Variants in BASP1 observed in about 807,000 individuals in gnomAD.
BASP1 encodes brain abundant membrane attached signal protein 1.
In BASP1, 1 loss-of-function variant was observed where a neutral mutation model predicts 2.2. That is an observed-to-expected ratio of 0.46 (90% CI 0.16 to 2.17). The LOEUF is 2.17. Ranked by LOEUF, BASP1 falls within the 30% of genes most tolerant of loss-of-function variation. The pLI is 0.27. For missense variants in BASP1, 352 were observed against 327.2 expected, an observed-to-expected ratio of 1.08 and a Z score of -0.58; for synonymous variants, 187 against 154.2, an observed-to-expected ratio of 1.21 and a Z score of -1.58.
intron 1 of BASP1, among the ~76,000 whole-genome samples, chr5:17,224,919 T>C (rs1739464242): frequency 6.6e-6 from 1 of 152,260 alleles, no homozygotes; most frequent in Non-Finnish European, 1.5e-5. Flanking sequence ...CAATCTGTTT[T>C]GTTCCGCGTC....
At chr5:17,233,330 A>G (rs928618024) in intron 1 of BASP1, among the ~76,000 whole-genome samples, 6 of 152,194 alleles carry the variant, frequency 3.9e-5, no homozygotes, top group African/African-American at 1.4e-4. Context: ...CTCATTTTAA[A>G]TGAATTCAGC....
At chr5:17,274,538 A>C (rs959939919) in intron 1 of BASP1, among the ~76,000 whole-genome samples, 1 of 152,172 alleles carries the variant, frequency 6.6e-6, no homozygotes, top group Admixed American at 6.5e-5. Flanking sequence ...CCTGGGTCTA[A>C]GATGGCTGCC....
chr5:17,239,242 C>T (rs564299841), intron 1 of BASP1, among the ~76,000 whole-genome samples: 20 of 152,082 alleles, frequency 1.3e-4, no homozygotes, highest in African/African-American at 1.9e-4. Context: ...TACAGGTGCC[C>T]GCCACCATAT....
chr5:17,221,417 T>G (rs911734692), intron 1 of BASP1, among the ~76,000 whole-genome samples: 1 of 151,984 alleles, frequency 6.6e-6, no homozygotes, highest in African/African-American at 2.4e-5. Flanking sequence ...GAACTATTAT[T>G]TGTCAGAAGC....
At chr5:17,233,969 A>G (rs1739687333) in intron 1 of BASP1, among the ~76,000 whole-genome samples, 1 of 152,104 alleles carries the variant, frequency 6.6e-6, no homozygotes, top group African/African-American at 2.4e-5. Context: ...TCTCTACTAA[A>G]AATACAAAAA....
chr5:17,219,002 A>G, intron 1 of BASP1, among the ~76,000 whole-genome samples: 1 of 151,744 alleles, frequency 6.6e-6, no homozygotes, highest in East Asian at 1.9e-4. Flanking sequence ...ACAGGTTGAC[A>G]ACACCTCTGT....
chr5:17,250,805 T>C (rs990590078), intron 1 of BASP1, among the ~76,000 whole-genome samples: 2 of 152,060 alleles, frequency 1.3e-5, no homozygotes, highest in Non-Finnish European at 2.9e-5. Context: ...GGGGTTTCAC[T>C]GCGTTAGCCA....
At position 17,276,088 on chromosome 5, in the gene BASP1, A is replaced by ATGTT; in HGVS notation, c.*189_*192dup. 2 of 174,588 alleles carry ATGTT rather than the reference A, an allele frequency of 1.1e-5. No individual in the cohort carries two copies. The highest frequency in any genetic ancestry group is 1.9e-4 in the East Asian group (1 of 5,370). 10.8% of individuals were successfully genotyped at this position (174,588 alleles called of 1,614,324 possible). ...TGTATTGCCCAAGGAAAAATACAGG[A>ATGTT]TGTTGTCCCATCAAGGGAGGGAGGG... On this transcript the variant is annotated 3_prime_UTR_variant, in exon 2 of 2. Coordinates refer to ENST00000322611, the MANE Select transcript of BASP1 (RefSeq NM_006317.5).
intron 1 of BASP1, among the ~76,000 whole-genome samples, chr5:17,231,985 G>A (rs1253133551): frequency 1.3e-5 from 2 of 152,198 alleles, no homozygotes; most frequent in East Asian, 1.9e-4. Flanking sequence ...CACCTCATCA[G>A]TTGTGCTTAC....
At chr5:17,247,934 T>C (rs1740027705) in intron 1 of BASP1, among the ~76,000 whole-genome samples, 1 of 152,138 alleles carries the variant, frequency 6.6e-6, no homozygotes, top group Admixed American at 6.5e-5. Context: ...ACCAGAGAAA[T>C]TGTGATTCTG....
intron 1 of BASP1, among the ~76,000 whole-genome samples, chr5:17,252,325 A>G (rs1229713837): frequency 6.6e-6 from 1 of 152,242 alleles, no homozygotes; most frequent in South Asian, 2.1e-4. Context: ...AGACCATGTA[A>G]TCTGCTCAAG....
intron 1 of BASP1, among the ~76,000 whole-genome samples, chr5:17,267,747 A>C (rs1740442596): frequency 7.0e-6 from 1 of 143,724 alleles, no homozygotes; most frequent in African/African-American, 2.6e-5. Context: ...TTGAACTCTC[A>C]ACCTTGTGAT....
intron 1 of BASP1, among the ~76,000 whole-genome samples, chr5:17,263,253 T>C (rs1019743802): frequency 2.0e-5 from 3 of 152,152 alleles, no homozygotes; most frequent in African/African-American, 7.2e-5. Context: ...TCATTGTGTA[T>C]CTTTATGGGG....
chr5:17,248,175 G>A (rs1023842951), intron 1 of BASP1, among the ~76,000 whole-genome samples: 26 of 152,154 alleles, frequency 1.7e-4, no homozygotes, highest in African/African-American at 6.0e-4. Flanking sequence ...TCTCACTTCA[G>A]CTATACGTGT....
upstream of BASP1, chr5:17,217,468 G>T (rs575870803): frequency 8.7e-6 from 1 of 115,456 alleles, no homozygotes; most frequent in African/African-American, 3.4e-5. Flanking sequence ...GGGTGGAGGG[G>T]AGACGGGCGG....
chr5:17,227,737 G>T (rs1472833473), intron 1 of BASP1, among the ~76,000 whole-genome samples: 1 of 152,098 alleles, frequency 6.6e-6, no homozygotes, highest in Non-Finnish European at 1.5e-5. Context: ...AAAGAATCTC[G>T]ATTAACAATT....
chr5:17,217,091 A>AGAGAGAGAGAGAGAGAGAGAGTGAGAGT, upstream of BASP1: 1 of 142,570 alleles, frequency 7.0e-6, no homozygotes, highest in Admixed American at 7.0e-5. Context: ...AGAGAGAGAG[A>AGAGAGAGAGAGAGAGAGAGAGTGAGAGT]GAGAGTGAGT....
rs558208525 is a variant in BASP1, at chr5:17,275,018, G to C, written c.-9-190G>C. 6.6e-6 allele frequency among the ~76,000 whole-genome samples: 1 copy of C among 152,196 alleles called. No individual in the cohort carries two copies. The highest frequency in any genetic ancestry group is 2.1e-4 in the South Asian group (1 of 4,822). ...CATTCCAGCCTGGGTAACATAGCGA[G>C]ACCCTGTCTCAAAAATAAATACATG... is the stretch of plus-strand genomic sequence containing the variant. On this transcript the variant is annotated intron_variant, in intron 1 of 1. Coordinates refer to ENST00000322611, the MANE Select transcript of BASP1 (RefSeq NM_006317.5). The surrounding 1 kb of genome is among the most constrained non-coding windows in gnomAD (Gnocchi z 5.3).
In BASP1 at chr5:17,251,151, G is replaced by A. The variant is rs1740095730; in HGVS notation, c.-9-24057G>A. Among the ~76,000 whole-genome samples, 1 of 151,982 alleles carries A rather than the reference G, an allele frequency of 6.6e-6. No individual in the cohort carries two copies. The highest frequency in any genetic ancestry group is 6.6e-5 in the Admixed American group (1 of 15,264). On this transcript the variant is annotated intron_variant, in intron 1 of 1. Coordinates refer to ENST00000322611, the MANE Select transcript of BASP1 (RefSeq NM_006317.5). The surrounding 1 kb of genome is among the most constrained non-coding windows in gnomAD (Gnocchi z 4.0). ...TACCCTGATTTTATCATTACACATT[G>A]TATACAAATATCAAAATATCACATG...
Sources: gnomAD v4.1 joint callset for allele counts (sites outside exome capture counted in the v4.1 genomes callset) on GRCh38, gnomAD v4.1.1 for gene constraint, Gnocchi (gnomAD v3.1) non-coding constraint, MANE v1.5 for transcripts, NCBI Gene and HGNC (gene_info 2026-07-23, HGNC 2026-07-21) for gene names.